Variants in PEBP4 observed in about 807,000 individuals in gnomAD.
PEBP4 encodes phosphatidylethanolamine binding protein 4.
A neutral mutation model predicts 23.9 loss-of-function variants in PEBP4; 22 were observed. The ratio of observed to expected loss-of-function variants is 0.92; its 90% CI spans 0.66 to 1.31. The LOEUF (loss-of-function observed/expected upper bound fraction) is 1.31. PEBP4 is among the 40% of genes most tolerant of loss of function. The pLI is 0.00. For synonymous variants in PEBP4, 112 were observed against 99.3 expected (o/e 1.13, Z -0.76); for missense variants, 324 against 281.7 (o/e 1.15, Z -1.07).
chr8:22,750,259 G>A (rs538750329), intron 4 of PEBP4, among the ~76,000 whole-genome samples: 60 of 151,646 alleles, frequency 4.0e-4, no homozygotes, highest in South Asian at 2.1e-3. Flanking sequence ...CTGCCACCAC[G>A]CCCAGCTAAT....
chr8:22,754,388 T>C (rs1255288646), intron 4 of PEBP4, among the ~76,000 whole-genome samples: 1 of 152,252 alleles, frequency 6.6e-6, no homozygotes, highest in Non-Finnish European at 1.5e-5. Context: ...TGAATGATTT[T>C]ATGACCTTAA....
Position 22,872,346 on chromosome 8 carries a change from C to G in PEBP4, c.258+47838G>C, listed in dbSNP as rs567089776. Among the ~76,000 whole-genome samples, 24 of 152,294 alleles carry G rather than the reference C, an allele frequency of 1.6e-4. No individual in the cohort carries two copies. The South Asian group carries it at 5.0e-3, about 32-fold the overall frequency. Reference sequence around the variant, plus strand: ...GGTGACTAAAATCCAGACCCTGTCCCCGTTGCCAAGCCACACCTCCTGGCC... The same window carrying G: ...GGTGACTAAAATCCAGACCCTGTCCGCGTTGCCAAGCCACACCTCCTGGCC... On this transcript the variant is annotated intron_variant, in intron 3 of 6. Transcript: ENST00000256404.
intron 3 of PEBP4, among the ~76,000 whole-genome samples, chr8:22,906,892 TA>T (rs573081665): frequency 6.0e-5 from 9 of 151,098 alleles, no homozygotes; most frequent in African/African-American, 2.2e-4. Flanking sequence ...GCAAAAAACG[TA>T]AAAAAAAGAA....
At chr8:22,764,706 C>A (rs1022759605) in intron 4 of PEBP4, among the ~76,000 whole-genome samples, 1 of 151,840 alleles carries the variant, frequency 6.6e-6, no homozygotes, top group Non-Finnish European at 1.5e-5. Flanking sequence ...GAGGCTGCTG[C>A]CACCTTCTGC....
In PEBP4 at chr8:22,826,074, A is replaced by G. The variant is rs1428836054; in HGVS notation, c.259-8339T>C. Among the ~76,000 whole-genome samples, 3 of 152,262 alleles carry G rather than the reference A, an allele frequency of 2.0e-5. No homozygotes were observed. The East Asian group carries it at 5.8e-4, about 29-fold the overall frequency. On this transcript the variant is annotated intron_variant, in intron 3 of 6. Coordinates refer to ENST00000256404, the MANE Select transcript of PEBP4 (RefSeq NM_144962.3). ...GGGAGTTGCTCATTGATGAGTATAG[A>G]CTTTCAGTCATGAAGGAAATTCTAG...
At chr8:22,917,943 G>A (rs1449909095) in intron 3 of PEBP4, among the ~76,000 whole-genome samples, 1 of 152,194 alleles carries the variant, frequency 6.6e-6, no homozygotes, top group East Asian at 1.9e-4. Context: ...AAACAATCAA[G>A]AGACAGATTC....
chr8:22,897,693 A>G (rs754138254), intron 3 of PEBP4: 4 of 152,178 alleles, frequency 2.6e-5, no homozygotes, highest in African/African-American at 9.6e-5. Context: ...AATGCTTAAC[A>G]TCTCTCCCTG....
chr8:22,767,081 G>A (rs538987030), intron 4 of PEBP4, among the ~76,000 whole-genome samples: 6 of 152,310 alleles, frequency 3.9e-5, no homozygotes, highest in South Asian at 2.1e-4. Context: ...GGGGTGTTCC[G>A]GATCTAACAG....
At chr8:22,753,081 C>T (rs565627876) in intron 4 of PEBP4, among the ~76,000 whole-genome samples, 2 of 152,312 alleles carry the variant, frequency 1.3e-5, no homozygotes, top group South Asian at 2.1e-4. Flanking sequence ...AGGGAAGTAT[C>T]CTGGTAGCTT....
intron 2 of PEBP4, among the ~76,000 whole-genome samples, chr8:22,922,636 G>C (rs1369137317): frequency 6.6e-6 from 1 of 151,832 alleles, no homozygotes. Flanking sequence ...CTACTTGGGA[G>C]GATCACTTGA....
At chr8:22,891,615 T>C (rs1808496712) in intron 3 of PEBP4, among the ~76,000 whole-genome samples, 1 of 152,212 alleles carries the variant, frequency 6.6e-6, no homozygotes, top group Non-Finnish European at 1.5e-5. Context: ...GTTCCATTTA[T>C]TTATAGGGAA....
chr8:22,896,995 C>T (rs1292581210), intron 3 of PEBP4, among the ~76,000 whole-genome samples: 1 of 150,410 alleles, frequency 6.6e-6, no homozygotes, highest in East Asian at 1.9e-4. Flanking sequence ...TATATATTTG[C>T]GTGTTATATA....
chr8:22,792,740 C>T (rs1208170391), intron 4 of PEBP4, among the ~76,000 whole-genome samples: 1 of 152,062 alleles, frequency 6.6e-6, no homozygotes, highest in Non-Finnish European at 1.5e-5. Context: ...GAGCTGTTGG[C>T]CCAGTAGGGA....
intron 2 of PEBP4, among the ~76,000 whole-genome samples, chr8:22,923,429 G>A (rs1440470383): frequency 1.3e-5 from 2 of 152,138 alleles, no homozygotes; most frequent in Non-Finnish European, 2.9e-5. Context: ...TTAGCCAAGT[G>A]TGGTGGTACG....
intron 3 of PEBP4, among the ~76,000 whole-genome samples, chr8:22,891,030 A>G (rs796714540): frequency 7.9e-5 from 12 of 152,258 alleles, no homozygotes; most frequent in African/African-American, 2.9e-4. Context: ...GGGTTTCACC[A>G]TGTTGGCCAG....
chr8:22,932,228 G>A (rs570344265), upstream of PEBP4, among the ~76,000 whole-genome samples: 6 of 152,328 alleles, frequency 3.9e-5, no homozygotes, highest in East Asian at 1.2e-3. Context: ...TGGTTGCTAA[G>A]GCTGGAGGTG....
At chr8:22,833,470 T>C (rs1453896704) in intron 3 of PEBP4, among the ~76,000 whole-genome samples, 1 of 152,188 alleles carries the variant, frequency 6.6e-6, no homozygotes, top group Non-Finnish European at 1.5e-5. Flanking sequence ...TAGCTGGGAT[T>C]ACAGGTGCAT....
intron 4 of PEBP4, among the ~76,000 whole-genome samples, chr8:22,761,050 T>A (rs1805497528): frequency 6.6e-6 from 1 of 151,048 alleles, no homozygotes; most frequent in Non-Finnish European, 1.5e-5. Context: ...GAGGCGGGCA[T>A]CAGATCTCCA....
rs974650463 is a variant in PEBP4 at position 22,865,808 on chromosome 8, G to C, written c.259-48073C>G. Among the ~76,000 whole-genome samples the C allele has an allele frequency of 2.0e-5, 3 of 152,198 alleles. No homozygotes were observed. The highest frequency in any genetic ancestry group is 6.5e-5 in the Admixed American group (1 of 15,288). On this transcript the variant is annotated intron_variant, in intron 3 of 6. Coordinates refer to ENST00000256404, the MANE Select transcript of PEBP4 (RefSeq NM_144962.3). This position sits in a 1 kb window ranked among gnomAD's most constrained non-coding sequence, Gnocchi z 6.9. Reference sequence around the variant, plus strand: ...CACTCCCGGGGGCGCGAGCGGCGGCGCCTAGAGGGACCCCCACCCCGGGCT... The same window carrying C: ...CACTCCCGGGGGCGCGAGCGGCGGCCCCTAGAGGGACCCCCACCCCGGGCT...
Sources: allele counts gnomAD v4.1 joint callset (sites outside exome capture counted in the v4.1 genomes callset), GRCh38; gene constraint gnomAD v4.1.1; non-coding constraint Gnocchi (gnomAD v3.1); transcripts MANE v1.5; gene names NCBI Gene and HGNC (gene_info 2026-07-23, HGNC 2026-07-21).